MORC1: variants seen among roughly 807,000 people sequenced by gnomAD.
MORC1 encodes the protein MORC family CW-type zinc finger 1, also known as MORC family CW-type zinc finger protein 1.
Under a neutral mutation model 134.9 loss-of-function variants are expected in MORC1, and 59 were observed. The ratio of observed to expected loss-of-function variants is 0.44; its 90% CI spans 0.35 to 0.54. The LOEUF is 0.54. Ranked by LOEUF, MORC1 falls within the 20% of genes least tolerant of loss-of-function variation. The probability of loss-of-function intolerance (pLI) is 0.00; values close to 1 mark genes in which losing one functional copy is unlikely to be tolerated. For synonymous variants in MORC1, 395 were observed against 391.7 expected (o/e 1.01, Z -0.10); for missense variants, 947 against 1,134.5 (o/e 0.83, Z 2.37).
intron 8 of MORC1, among the ~76,000 whole-genome samples, chr3:109,090,105 T>A (rs1162750572): frequency 6.6e-6 from 1 of 152,098 alleles, no homozygotes; most frequent in South Asian, 2.1e-4. Flanking sequence ...CTGCTATCTA[T>A]TGGAAAAATT....
At chr3:108,997,519 A>C (rs1948267847) in intron 21 of MORC1, among the ~76,000 whole-genome samples, 1 of 152,196 alleles carries the variant, frequency 6.6e-6, no homozygotes, top group Admixed American at 6.5e-5. Context: ...AAAAAATTTA[A>C]AAGGTAAAAT....
At chr3:109,019,827 T>C (rs970358387) in intron 17 of MORC1, among the ~76,000 whole-genome samples, 2 of 152,224 alleles carry the variant, frequency 1.3e-5, no homozygotes, top group Admixed American at 6.5e-5. Flanking sequence ...GTTAGGTTCC[T>C]ACAGTTACAG....
chr3:109,100,341 C>T, intron 5 of MORC1, 76 bp downstream of exon 5: 2 of 1,129,858 alleles, frequency 1.8e-6, no homozygotes, highest in Non-Finnish European at 2.7e-6. Context: ...ATGCCTGCAT[C>T]ATTCTGTGTA....
chr3:109,117,689 A>G (rs1951301679), intron 1 of MORC1, among the ~76,000 whole-genome samples: 1 of 152,234 alleles, frequency 6.6e-6, no homozygotes. Flanking sequence ...TAGGCAGACT[A>G]AGGTTAGGCA....
intron 17 of MORC1, among the ~76,000 whole-genome samples, chr3:109,013,928 GGATTA>G (rs1948757013): frequency 6.6e-6 from 1 of 152,034 alleles, no homozygotes; most frequent in Non-Finnish European, 1.5e-5. Context: ...TTCTGCCATG[GGATTA>G]CACAGCAAGA....
At chr3:108,994,209 A>G (rs1045031519) in intron 21 of MORC1, among the ~76,000 whole-genome samples, 2 of 152,148 alleles carry the variant, frequency 1.3e-5, no homozygotes, top group Non-Finnish European at 2.9e-5. Context: ...TACATGTTTC[A>G]TAATAAATAC....
At chr3:109,082,639 A>C (rs1173656137) in intron 8 of MORC1, among the ~76,000 whole-genome samples, 1 of 152,232 alleles carries the variant, frequency 6.6e-6, no homozygotes, top group Non-Finnish European at 1.5e-5. Flanking sequence ...TTACTGAACT[A>C]AAAAATTCAT....
chr3:109,056,579 T>A (rs913893146), intron 13 of MORC1, among the ~76,000 whole-genome samples: 7 of 152,232 alleles, frequency 4.6e-5, no homozygotes, highest in Non-Finnish European at 1.0e-4. Flanking sequence ...ATATAAAAAA[T>A]ATGCATTTAT....
intron 27 of MORC1, among the ~76,000 whole-genome samples, chr3:108,961,474 T>C (rs1036095974): frequency 5.3e-5 from 8 of 152,186 alleles, no homozygotes; most frequent in Non-Finnish European, 8.8e-5. Flanking sequence ...ATAAACTTCT[T>C]CCAGGATGCT....
chr3:108,979,621 T>C lies in MORC1; in HGVS notation c.2371A>G (p.Ile791Val), dbSNP rs758407558. ...CTGCCACTCACAGAAACTCTGGCTA[T>C]GTGTCCAGAACTTAGATTCACATCT... ...MEDVNLSSGHIARVSVSGSCK... is the reference protein window; with the variant it reads ...MEDVNLSSGHVARVSVSGSCK... The change falls in exon 24 of 28, where the codon ATA (isoleucine) becomes GTA (valine). Residue 791 changes from isoleucine (I) to valine (V), a missense_variant. By Grantham distance (29) the Ile-to-Val change is conservative. Around this residue, in one of 3 missense-constraint regions of MORC1, gnomAD observed 722 missense variants for 817.0 expected, o/e 0.88. Coordinates refer to ENST00000232603, the MANE Select transcript of MORC1 (RefSeq NM_014429.4). The C allele has an allele frequency of 8.1e-6, 13 of 1,614,214 alleles. No homozygotes were observed. Among genetic ancestry groups the C allele is most frequent in the Non-Finnish European group, 1.0e-5 (12 of 1,180,024 alleles).
intron 26 of MORC1, 46 bp downstream of exon 26, chr3:108,969,623 A>T: frequency 6.5e-7 from 1 of 1,538,244 alleles, no homozygotes; most frequent in Non-Finnish European, 9.0e-7. Context: ...CCTTTCGAAC[A>T]CAGGATCATT....
intron 8 of MORC1, among the ~76,000 whole-genome samples, chr3:109,074,855 G>C (rs1285465646): frequency 6.6e-6 from 1 of 152,150 alleles, no homozygotes; most frequent in Non-Finnish European, 1.5e-5. Context: ...CCATTTGCCT[G>C]GTACTGTGCC....
Position 109,032,027 on chromosome 3 carries a change from C to T in MORC1, c.1565+693G>A, listed in dbSNP as rs539079113. On this transcript the variant is annotated intron_variant, in intron 16 of 27. Coordinates refer to ENST00000232603, the MANE Select transcript of MORC1 (RefSeq NM_014429.4). ...GTTTTCTTTTTCTTTTATCTTTTTG[C>T]TCTTCTTTTTCAGAGCTAGATAAAA... Among the ~76,000 whole-genome samples, 23 of 152,042 alleles carry T rather than the reference C, an allele frequency of 1.5e-4. No individual in the cohort carries two copies. The East Asian group carries it at 4.3e-3, about 28-fold the overall frequency.
At chr3:109,058,177 G>T (rs1340127938) in intron 12 of MORC1, among the ~76,000 whole-genome samples, 1 of 152,152 alleles carries the variant, frequency 6.6e-6, no homozygotes, top group African/African-American at 2.4e-5. Flanking sequence ...CTATGAAAAT[G>T]CCTGGATGTG....
intron 8 of MORC1, among the ~76,000 whole-genome samples, chr3:109,091,932 A>C (rs1156986165): frequency 1.3e-5 from 2 of 152,266 alleles, no homozygotes; most frequent in Admixed American, 1.3e-4. Flanking sequence ...ATCTGGAAAC[A>C]GCAAGAACAT....
intron 9 of MORC1, among the ~76,000 whole-genome samples, chr3:109,066,374 CTCCTGGGT>C (rs67903977): frequency 0.15 from 22,861 of 151,680 alleles, 1,866 homozygotes; most frequent in African/African-American, 0.21. Context: ...CAACCTCCAC[CTCCTGGGT>C]TCAAGTGAGT....
chr3:109,104,037 G>A, intron 3 of MORC1, 120 bp from the exon 4 acceptor site: 1 of 879,212 alleles, frequency 1.1e-6, no homozygotes, highest in Non-Finnish European at 1.8e-6. Flanking sequence ...CAGAGTTATG[G>A]CACAAAGATG....
chr3:109,065,005 A>G (rs1950164743), intron 9 of MORC1, among the ~76,000 whole-genome samples: 1 of 152,064 alleles, frequency 6.6e-6, no homozygotes, highest in Non-Finnish European at 1.5e-5. Flanking sequence ...TATCCAATCC[A>G]CTGGCAAGTC....
At chr3:109,057,568 G>A in intron 12 of MORC1, 82 bp from the exon 13 acceptor site, 1 of 1,282,688 alleles carries the variant, frequency 7.8e-7, no homozygotes, top group Non-Finnish European at 1.0e-6. Context: ...AATTAAACTA[G>A]AAGGTTAACG....
Sources: allele counts gnomAD v4.1 joint callset (sites outside exome capture counted in the v4.1 genomes callset), GRCh38; gene constraint gnomAD v4.1.1; regional missense constraint gnomAD v4.1.1; transcripts MANE v1.5; gene names NCBI Gene and HGNC (gene_info 2026-07-23, HGNC 2026-07-21).